The following PHLPP2 variants were observed in gnomAD, a reference collection of about 807,000 sequenced individuals.
PHLPP2 encodes the protein PH domain leucine-rich repeat-containing protein phosphatase 2.
PHLPP2 carries 66 observed loss-of-function variants against 124.9 expected under a neutral mutation model. The ratio of observed to expected loss-of-function variants is 0.53; its 90% CI spans 0.43 to 0.65. The LOEUF (loss-of-function observed/expected upper bound fraction) is 0.65, where lower values mean the gene tolerates loss of function less well. Ranked by LOEUF, PHLPP2 falls within the 30% of genes least tolerant of loss-of-function variation. PHLPP2 has a pLI of 0.00. For synonymous variants in PHLPP2, 681 were observed against 624.7 expected (o/e 1.09, Z -1.34); for missense variants, 1,685 against 1,600.4 (o/e 1.05, Z -0.90).
At position 71,658,717 on chromosome 16, in the gene PHLPP2, G is replaced by A. The variant is rs1345221720; in HGVS notation, c.2084C>T (p.Thr695Ile). ...TTIANCKRLH[T>I]LVAHSNNISI... ...GATGTTGTTGGAGTGTGCAACAAGG[G>A]TGTGCAGCCTTTTACAGTTTGCTAT... Residue 695 changes from threonine to isoleucine, a missense_variant, in exon 14 of 19, where the codon ACC becomes ATC. Coordinates refer to ENST00000568954, the MANE Select transcript of PHLPP2 (RefSeq NM_015020.3). The A allele has an allele frequency of 5.6e-6, 9 of 1,614,002 alleles. No homozygotes were observed. The highest frequency in any genetic ancestry group is 7.6e-6 in the Non-Finnish European group (9 of 1,180,006).
At position 71,645,697 on chromosome 16, in the gene PHLPP2, G is replaced by C. The variant is rs988347165; in HGVS notation, c.*3193C>G. On this transcript the variant is annotated 3_prime_UTR_variant, in exon 19 of 19. Transcript: ENST00000568954. ...AGCAACTGTAATAGCACCCAGCAAT[G>C]ACCACGCTGCTCCTGCTGGCTCTTC... The C allele has an allele frequency of 1.3e-5, 2 of 153,404 alleles. No individual in the cohort carries two copies. Among genetic ancestry groups the C allele is most frequent in the African/African-American group, 4.8e-5 (2 of 41,426 alleles). The allele number at this position is 153,404 out of a possible 1,614,324, so 9.5% of individuals were successfully genotyped here.
chr16:71,712,078 C>A (rs565358081), intron 2 of PHLPP2, among the ~76,000 whole-genome samples: 20 of 152,342 alleles, frequency 1.3e-4, no homozygotes, highest in African/African-American at 4.8e-4. Flanking sequence ...TCTTCCTCAT[C>A]TAAAAGCAAC....
At chr16:71,709,125 A>G (rs1271606292) in intron 2 of PHLPP2, among the ~76,000 whole-genome samples, 1 of 152,216 alleles carries the variant, frequency 6.6e-6, no homozygotes, top group African/African-American at 2.4e-5. Flanking sequence ...CCAATTTTGT[A>G]ACATATAATG....
intron 4 of PHLPP2, among the ~76,000 whole-genome samples, chr16:71,685,881 T>C (rs550111458): frequency 6.6e-6 from 1 of 152,360 alleles, no homozygotes; most frequent in South Asian, 2.1e-4. Flanking sequence ...TTGTTACATA[T>C]ATATAACTTT....
intron 1 of PHLPP2, chr16:71,723,769 C>G: frequency 7.5e-7 from 1 of 1,330,674 alleles, no homozygotes; most frequent in Non-Finnish European, 9.8e-7. Context: ...GCCTCCTCAC[C>G]TTCAGGACCC....
chr16:71,686,694 AC>A (rs1323405106), intron 4 of PHLPP2, among the ~76,000 whole-genome samples: 1 of 151,842 alleles, frequency 6.6e-6, no homozygotes, highest in African/African-American at 2.4e-5. Flanking sequence ...CAATAAATAG[AC>A]TTTTGTATCT....
At chr16:71,709,441 A>T (rs1799766898) in intron 2 of PHLPP2, among the ~76,000 whole-genome samples, 1 of 152,134 alleles carries the variant, frequency 6.6e-6, no homozygotes, top group Non-Finnish European at 1.5e-5. Flanking sequence ...ATGAAAAAAT[A>T]AAAATTAAAA....
chr16:71,723,839 C>T (rs2045415267), intron 1 of PHLPP2: 1 of 1,232,626 alleles, frequency 8.1e-7, no homozygotes, highest in Non-Finnish European at 1.0e-6. Context: ...CTCCAGCGGG[C>T]CCGCGGGCCC....
intron 6 of PHLPP2, among the ~76,000 whole-genome samples, chr16:71,679,955 C>T (rs2044982039): frequency 6.6e-6 from 1 of 152,004 alleles, no homozygotes; most frequent in Non-Finnish European, 1.5e-5. Context: ...TGGTGGCAGA[C>T]ACCTGTAGTC....
At chr16:71,696,705 A>G (rs577503484) in intron 3 of PHLPP2, among the ~76,000 whole-genome samples, 1 of 151,724 alleles carries the variant, frequency 6.6e-6, no homozygotes, top group Admixed American at 6.6e-5. Context: ...TGCACTCCTC[A>G]GTCACTCCCT....
intron 4 of PHLPP2, among the ~76,000 whole-genome samples, chr16:71,686,416 C>T (rs1002893302): frequency 1.3e-5 from 2 of 152,092 alleles, no homozygotes; most frequent in African/African-American, 4.8e-5. Context: ...TCAAACAATT[C>T]TCCTGCCTCA....
chr16:71,653,019 T>A lies in PHLPP2; in HGVS notation c.2588A>T (p.Lys863Ile), dbSNP rs1308620935. The change falls in exon 18 of 19, where the codon AAA (lysine) becomes ATA (isoleucine). Residue 863 changes from lysine (K) to isoleucine (I), a missense_variant and splice_region_variant. Coordinates refer to ENST00000568954, the MANE Select transcript of PHLPP2 (RefSeq NM_015020.3). ...MANTFLVSHRKLGMAGQKLGS... is the reference protein window; with the variant it reads ...MANTFLVSHRILGMAGQKLGS... Reference sequence around the variant, plus strand: ...CAACTTCTGGCCAGCCATTCCTAATTTCCTGTTCAGAAAGAAAAGGAAAAG... The same window carrying A: ...CAACTTCTGGCCAGCCATTCCTAATATCCTGTTCAGAAAGAAAAGGAAAAG... 1.2e-6 allele frequency: 2 copies of A among 1,608,700 alleles called. No homozygotes were observed. Among genetic ancestry groups the A allele is most frequent in the African/African-American group, 1.3e-5 (1 of 74,784 alleles).
At chr16:71,706,380 G>A (rs1389427385) in intron 2 of PHLPP2, among the ~76,000 whole-genome samples, 1 of 152,146 alleles carries the variant, frequency 6.6e-6, no homozygotes, top group African/African-American at 2.4e-5. Context: ...TATGTAAGAA[G>A]AGTAAATTTC....
intron 1 of PHLPP2, among the ~76,000 whole-genome samples, chr16:71,718,441 G>A (rs7186859): frequency 0.46 from 69,371 of 151,290 alleles, 16,394 homozygotes; most frequent in Middle Eastern, 0.64. Flanking sequence ...TTAGCTGGGC[G>A]TGGTGGTGCA....
In PHLPP2 at chr16:71,646,415, C is replaced by T. The variant is rs1407315257; in HGVS notation, c.*2475G>A. 1 of 152,148 alleles carries T rather than the reference C, an allele frequency of 6.6e-6. No individual in the cohort carries two copies. Among genetic ancestry groups the T allele is most frequent in the Non-Finnish European group, 1.5e-5 (1 of 68,036 alleles). The allele number at this position is 152,148 out of a possible 1,614,324, so 9.4% of individuals were successfully genotyped here. ...CCACACAGAACAACATTTGGAATTA[C>T]AGAGTTCTGCTGACTAAAAAATAAA... On this transcript the variant is annotated 3_prime_UTR_variant, in exon 19 of 19. Coordinates refer to ENST00000568954, the MANE Select transcript of PHLPP2 (RefSeq NM_015020.3).
chr16:71,691,240 G>A (rs1403628382), intron 3 of PHLPP2, among the ~76,000 whole-genome samples: 1 of 152,124 alleles, frequency 6.6e-6, no homozygotes, highest in East Asian at 1.9e-4. Flanking sequence ...ATATCACAAG[G>A]TCAGGAGATC....
chr16:71,649,619 G>A lies in PHLPP2; in HGVS notation c.3243C>T (p.Ser1081=). The change falls in exon 19 of 19, where the codon AGC becomes AGT. Residue 1081 remains serine (S), a synonymous_variant. Transcript: ENST00000568954. ...TCACCTCTGAGGTGGACATCTCACT[G>A]CTGAACTCAGAGGCAATCCCACTGC... ...SSSSGIASEF[S]SEMSTSEVSS... 6.2e-7 allele frequency: 1 copy of A among 1,614,186 alleles called. No homozygotes were observed.
In PHLPP2 at chr16:71,714,725, A is replaced by G. The variant is rs762637456; in HGVS notation, c.71T>C (p.Leu24Pro). The G allele has an allele frequency of 6.2e-7, 1 of 1,614,188 alleles. No homozygotes were observed. ...ACAGCCTCTCTTTACATCTTCTCTT[A>G]GCCAGTCTCTTTCTCGAGAACCAAA... Reference protein sequence around the residue: ...SRFGSRERDWLREDVKRGCVY... With the variant: ...SRFGSRERDWPREDVKRGCVY... The change falls in exon 2 of 19, where the codon CTA (leucine) becomes CCA (proline). Residue 24 changes from leucine (L) to proline (P), a missense_variant. Coordinates refer to ENST00000568954, the MANE Select transcript of PHLPP2 (RefSeq NM_015020.3).
chr16:71,677,082 ACT>A, intron 8 of PHLPP2: 1 of 182,202 alleles, frequency 5.5e-6, no homozygotes, highest in Non-Finnish European at 1.1e-5. Context: ...GAATTTCACT[ACT>A]CGCCTCATTT....
Sources: allele counts gnomAD v4.1 joint callset (sites outside exome capture counted in the v4.1 genomes callset), GRCh38; gene constraint gnomAD v4.1.1; transcripts MANE v1.5; gene names NCBI Gene and HGNC (gene_info 2026-07-23, HGNC 2026-07-21).